The following SGCD variants were observed in gnomAD, a reference collection of about 807,000 sequenced individuals.
SGCD encodes the protein delta-sarcoglycan.
A neutral mutation model predicts 36.6 loss-of-function variants in SGCD; 18 were observed. That is an observed-to-expected ratio of 0.49 (90% CI 0.34 to 0.73). The LOEUF (loss-of-function observed/expected upper bound fraction) is 0.73, where lower values mean the gene tolerates loss of function less well. Among genes scored for constraint, SGCD ranks in the 30% least tolerant of loss-of-function variants. The pLI, the probability that SGCD is intolerant of heterozygous loss-of-function variation, is 0.01. For missense variants in SGCD, 387 were observed against 346.7 expected, an observed-to-expected ratio of 1.12 and a Z score of -0.92; for synonymous variants, 133 against 130.6, an observed-to-expected ratio of 1.02 and a Z score of -0.12.
intron 3 of SGCD, among the ~76,000 whole-genome samples, chr5:156,379,546 G>A (rs1397420121): frequency 6.6e-6 from 1 of 152,204 alleles, no homozygotes; most frequent in African/African-American, 2.4e-5. Flanking sequence ...ATCAGAACAA[G>A]TTTGGAACTT....
chr5:156,627,185 G>A (rs2113519764), intron 6 of SGCD, among the ~76,000 whole-genome samples: 1 of 152,296 alleles, frequency 6.6e-6, no homozygotes, highest in Admixed American at 6.5e-5. Flanking sequence ...TCCATTTAGT[G>A]AGCTTCTCTG....
At chr5:155,884,812 A>G (rs923732038) in intron 1 of SGCD, among the ~76,000 whole-genome samples, 2 of 119,786 alleles carry the variant, frequency 1.7e-5, no homozygotes, top group Middle Eastern at 3.9e-3. Flanking sequence ...CATGTAACCT[A>G]TAAGAACTTG....
At chr5:156,454,429 G>T (rs1251368814) in intron 3 of SGCD, among the ~76,000 whole-genome samples, 1 of 152,120 alleles carries the variant, frequency 6.6e-6, no homozygotes, top group African/African-American at 2.4e-5. Context: ...CCCAAGGAAG[G>T]CTAAACTAGA....
intron 1 of SGCD, among the ~76,000 whole-genome samples, chr5:156,080,856 C>T (rs958867661): frequency 1.3e-5 from 2 of 152,210 alleles, no homozygotes; most frequent in Non-Finnish European, 2.9e-5. Flanking sequence ...CTCCTATCTT[C>T]TTCTGAGTCC....
chr5:155,813,268 T>G, the SGCD span, among the ~76,000 whole-genome samples: 2 of 151,696 alleles, frequency 1.3e-5, no homozygotes, highest in African/African-American at 2.4e-5. Context: ...GAAGGTGGAG[T>G]AGAGGAATCA....
At chr5:156,334,080 G>T (rs1300322533) in intron 2 of SGCD, among the ~76,000 whole-genome samples, 1 of 151,818 alleles carries the variant, frequency 6.6e-6, no homozygotes, top group African/African-American at 2.4e-5. Flanking sequence ...TTTAGGCCTT[G>T]TGTGTCACTC....
intron 7 of SGCD, among the ~76,000 whole-genome samples, chr5:156,700,419 A>G (rs897043388): frequency 1.3e-5 from 2 of 152,104 alleles, no homozygotes; most frequent in African/African-American, 4.8e-5. Flanking sequence ...GCTTCCATAC[A>G]TTCCAACCAC....
the SGCD span, among the ~76,000 whole-genome samples, chr5:155,835,227 C>T: frequency 6.6e-6 from 1 of 151,874 alleles, no homozygotes; most frequent in Non-Finnish European, 1.5e-5. Context: ...AGGCTGGTCT[C>T]AAACTCCTGG....
chr5:156,632,400 TA>T (rs1386850441), intron 6 of SGCD, among the ~76,000 whole-genome samples: 2 of 152,214 alleles, frequency 1.3e-5, no homozygotes, highest in African/African-American at 4.8e-5. Flanking sequence ...AGAGACATTG[TA>T]ACTATCCCAC....
the SGCD span, among the ~76,000 whole-genome samples, chr5:155,786,965 A>T: frequency 6.6e-6 from 1 of 152,184 alleles, no homozygotes; most frequent in African/African-American, 2.4e-5. Context: ...GCAGATACTG[A>T]TGGAAGACAG....
chr5:156,627,229 G>A (rs1762471031), intron 6 of SGCD, among the ~76,000 whole-genome samples: 1 of 152,186 alleles, frequency 6.6e-6, no homozygotes, highest in African/African-American at 2.4e-5. Flanking sequence ...AAATGTGGAA[G>A]GGGTTTTTGC....
intron 3 of SGCD, among the ~76,000 whole-genome samples, chr5:156,406,807 TATATATATATATAC>T (rs1470882978): frequency 1.6e-4 from 16 of 98,694 alleles, no homozygotes; most frequent in East Asian, 9.8e-4. Context: ...TATATATATA[TATATATATATATAC>T]ACACACACAC....
chr5:156,325,089 G>T (rs116598420), upstream of SGCD, among the ~76,000 whole-genome samples: 629 of 152,264 alleles, frequency 4.1e-3, 2 homozygotes, highest in African/African-American at 0.014. Context: ...ACTGACTGCA[G>T]ATTTGATCTC....
the SGCD span, among the ~76,000 whole-genome samples, chr5:155,842,320 A>ATC: frequency 6.6e-4 from 99 of 151,086 alleles, 1 homozygote; most frequent in South Asian, 4.4e-3. Context: ...CACACCTGTA[A>ATC]TCCCAGCCCT....
At chr5:156,393,685 C>T (rs533481253) in intron 3 of SGCD, 16 of 453,712 alleles carry the variant, frequency 3.5e-5, no homozygotes, top group African/African-American at 2.2e-4. Context: ...TAAGATCATC[C>T]ATCTCCCAGA....
intron 1 of SGCD, among the ~76,000 whole-genome samples, chr5:156,030,654 A>T (rs1759326807): frequency 6.6e-6 from 1 of 152,112 alleles, no homozygotes; most frequent in South Asian, 2.1e-4. Flanking sequence ...GGGGGAAAGG[A>T]CGGGTGAGTT....
intron 3 of SGCD, among the ~76,000 whole-genome samples, chr5:156,227,011 T>C (rs1430260448): frequency 6.6e-6 from 1 of 152,128 alleles, no homozygotes; most frequent in African/African-American, 2.4e-5. Flanking sequence ...CTTTGTCAGA[T>C]GTGTAGATTA....
intron 3 of SGCD, among the ~76,000 whole-genome samples, chr5:156,250,534 A>G (rs1450803787): frequency 1.3e-5 from 2 of 152,160 alleles, no homozygotes; most frequent in Non-Finnish European, 2.9e-5. Flanking sequence ...GAGACCCTGG[A>G]TGAGGCTCAC....
At chr5:155,729,814 G>T in the SGCD span, among the ~76,000 whole-genome samples, 1 of 152,224 alleles carries the variant, frequency 6.6e-6, no homozygotes, top group Non-Finnish European at 1.5e-5. Flanking sequence ...CGGCCTCATT[G>T]TGTGCCCGAT....
Sources: allele counts gnomAD v4.1 joint callset (sites outside exome capture counted in the v4.1 genomes callset), GRCh38; gene constraint gnomAD v4.1.1; transcripts MANE v1.5; gene names NCBI Gene and HGNC (gene_info 2026-07-23, HGNC 2026-07-21).